The following MYO16 variants were observed in gnomAD, a reference collection of about 807,000 sequenced individuals.
MYO16 encodes unconventional myosin-XVI.
A neutral mutation model predicts 205.3 loss-of-function variants in MYO16; 94 were observed. That is an observed-to-expected ratio of 0.46 (90% confidence interval 0.39 to 0.54). The LOEUF (loss-of-function observed/expected upper bound fraction) is 0.54. Ranked by LOEUF, MYO16 falls within the 20% of genes least tolerant of loss-of-function variation. The pLI is 0.00. For missense variants in MYO16, 2,315 were observed against 2,387.5 expected, an observed-to-expected ratio of 0.97 and a Z score of 0.63; for synonymous variants, 988 against 954.0, an observed-to-expected ratio of 1.04 and a Z score of -0.66.
intron 23 of MYO16, among the ~76,000 whole-genome samples, chr13:109,026,513 CTT>C (rs1886367648): frequency 6.6e-6 from 1 of 152,116 alleles, no homozygotes; most frequent in African/African-American, 2.4e-5. Context: ...AGAGGGAACA[CTT>C]TTCTCTTGTT....
chr13:109,153,618 G>A (rs1877809731), intron 32 of MYO16, among the ~76,000 whole-genome samples: 2 of 152,132 alleles, frequency 1.3e-5, no homozygotes, highest in Non-Finnish European at 2.9e-5. Context: ...AAGTAGCCGG[G>A]CATGGTGGTG....
the MYO16 span, among the ~76,000 whole-genome samples, chr13:108,553,582 G>A: frequency 6.6e-6 from 1 of 152,116 alleles, no homozygotes; most frequent in African/African-American, 2.4e-5. Flanking sequence ...ACAGCTTTGA[G>A]TGGAAATTTT....
intron 34 of MYO16, among the ~76,000 whole-genome samples, chr13:109,183,825 A>G (rs1166369218): frequency 6.6e-6 from 1 of 152,212 alleles, no homozygotes; most frequent in Admixed American, 6.5e-5. Context: ...CTTAATAAAT[A>G]TCCAGCTCAC....
intron 4 of MYO16, among the ~76,000 whole-genome samples, chr13:108,777,656 C>G (rs574676796): frequency 6.6e-6 from 1 of 152,274 alleles, no homozygotes; most frequent in South Asian, 2.1e-4. Context: ...GTGAGAGGAG[C>G]CTGTTCCTCC....
the MYO16 span, among the ~76,000 whole-genome samples, chr13:108,524,821 AAG>A: frequency 1.3e-5 from 2 of 152,218 alleles, no homozygotes; most frequent in African/African-American, 4.8e-5. Context: ...TAATAGAAAT[AAG>A]AGAAAAAAAC....
the MYO16 span, among the ~76,000 whole-genome samples, chr13:108,527,011 C>T: frequency 6.6e-6 from 1 of 152,108 alleles, no homozygotes; most frequent in African/African-American, 2.4e-5. Context: ...AAGGTCAAGT[C>T]ATTAAATTTG....
chr13:108,824,437 A>G (rs1876148206), intron 9 of MYO16, among the ~76,000 whole-genome samples: 1 of 152,104 alleles, frequency 6.6e-6, no homozygotes, highest in South Asian at 2.1e-4. Flanking sequence ...ACAGATCTCT[A>G]TGAATTTATA....
upstream of MYO16, chr13:108,629,277 A>G (rs998758570): frequency 6.6e-6 from 1 of 152,272 alleles, no homozygotes; most frequent in African/African-American, 2.4e-5. Context: ...CCTGCTATCA[A>G]TTTCCTATTC....
intron 21 of MYO16, among the ~76,000 whole-genome samples, chr13:108,992,988 A>G (rs977095505): frequency 2.6e-5 from 4 of 152,202 alleles, no homozygotes; most frequent in Admixed American, 2.0e-4. Flanking sequence ...CACTGCATGA[A>G]TAGTTTTATT....
intron 2 of MYO16, among the ~76,000 whole-genome samples, chr13:108,687,778 A>T (rs1224314445): frequency 6.6e-6 from 1 of 152,234 alleles, no homozygotes; most frequent in African/African-American, 2.4e-5. Context: ...CCCTTTCCCA[A>T]TAAATAAATC....
intron 27 of MYO16, chr13:109,065,678 G>A: frequency 2.6e-6 from 1 of 388,590 alleles, no homozygotes; most frequent in Non-Finnish European, 4.9e-6. Context: ...GTTTCCAATG[G>A]TCATGAAGGG....
Position 109,052,534 on chromosome 13 carries a change from C to CTT in MYO16, c.3048+67_3048+68dup, listed in dbSNP as rs56307546. 1.7e-5 allele frequency: 22 copies of CTT among 1,275,550 alleles called. No homozygotes were observed. In the African/African-American group the frequency reaches 3.1e-4, roughly 18 times the overall value. The allele number at this position is 1,275,550 out of a possible 1,614,324, so 79.0% of individuals were successfully genotyped here. ...TTAATTTTGATAAGTATATTTGCTT[C>CTT]TTTTTTTTTAAAAAAAAGCACAATT... On this transcript the variant is annotated intron_variant, in intron 25 of 34. Coordinates refer to ENST00000457511, the MANE Select transcript of MYO16 (RefSeq NM_001198950.3).
intron 4 of MYO16, among the ~76,000 whole-genome samples, chr13:108,782,924 A>G (rs1886349212): frequency 1.3e-5 from 2 of 152,204 alleles, no homozygotes; most frequent in South Asian, 2.1e-4. Flanking sequence ...CTGGATTCCC[A>G]AGCAAAAGTT....
intron 2 of MYO16, among the ~76,000 whole-genome samples, chr13:108,711,489 G>C (rs1883722030): frequency 6.6e-6 from 1 of 152,220 alleles, no homozygotes; most frequent in Non-Finnish European, 1.5e-5. Context: ...GATGCACGGG[G>C]CAGGGCAGGC....
At chr13:109,081,619 G>T (rs1888283026) in intron 27 of MYO16, among the ~76,000 whole-genome samples, 1 of 152,088 alleles carries the variant, frequency 6.6e-6, no homozygotes, top group South Asian at 2.1e-4. Context: ...ATGCAAAAGA[G>T]GAGCTCCCAG....
chr13:108,637,574 G>A (rs1471170055), intron 1 of MYO16, among the ~76,000 whole-genome samples: 5 of 152,102 alleles, frequency 3.3e-5, no homozygotes, highest in Middle Eastern at 3.4e-3. Flanking sequence ...AGTAATCTAA[G>A]GGCTAAAGAT....
chr13:109,132,973 C>T (rs868199001), intron 31 of MYO16, among the ~76,000 whole-genome samples: 13 of 152,048 alleles, frequency 8.5e-5, no homozygotes, highest in African/African-American at 2.7e-4. Flanking sequence ...GTGGAAACTG[C>T]GAAAGGCTCA....
intron 22 of MYO16, among the ~76,000 whole-genome samples, chr13:109,013,080 C>T (rs1885662002): frequency 6.9e-6 from 1 of 144,354 alleles, no homozygotes; most frequent in South Asian, 2.3e-4. Context: ...TCATCATTTA[C>T]ATTAGGTATT....
the MYO16 span, among the ~76,000 whole-genome samples, chr13:108,496,555 T>C: frequency 6.6e-6 from 1 of 152,052 alleles, no homozygotes. Context: ...CCGGGGGGCG[T>C]CGAGCCTCAG....
Sources: gnomAD v4.1 joint callset for allele counts (sites outside exome capture counted in the v4.1 genomes callset) on GRCh38, gnomAD v4.1.1 for gene constraint, MANE v1.5 for transcripts, NCBI Gene and HGNC (gene_info 2026-07-23, HGNC 2026-07-21) for gene names.